The following PPARG variants were observed in gnomAD, a reference collection of about 807,000 sequenced individuals.
The protein encoded by PPARG is peroxisome proliferator-activated receptor gamma.
PPARG carries 17 observed loss-of-function variants against 39.2 expected under a neutral mutation model. The ratio of observed to expected loss-of-function variants is 0.43; its 90% CI spans 0.30 to 0.65. The LOEUF (loss-of-function observed/expected upper bound fraction) is 0.65. Among genes scored for constraint, PPARG ranks in the 30% least tolerant of loss-of-function variants. PPARG has a pLI of 0.13. For synonymous variants in PPARG, 223 were observed against 215.7 expected, an observed-to-expected ratio of 1.03 and a Z score of -0.30; for missense variants, 406 against 585.9, an observed-to-expected ratio of 0.69 and a Z score of 3.17.
rs147763665 is a variant in PPARG, at chr3:12,356,700, A to C, written c.-8-23004A>C. Among the ~76,000 whole-genome samples, 264 of 152,256 alleles carry C rather than the reference A, an allele frequency of 1.7e-3. 1 individual carries two copies. Among genetic ancestry groups the C allele is most frequent in the Non-Finnish European group, 3.1e-3 (210 of 68,010 alleles). The stretch of plus-strand genomic sequence containing the variant: ...CCATAGTGAATGCTGTGAAATCTAG[A>C]CACTTTTTCCCTGGCTTTCAAAGCT... On this transcript the variant is annotated intron_variant, in intron 2 of 7. Coordinates refer to ENST00000651735, the MANE Select transcript of PPARG (RefSeq NM_138711.6).
intron 1 of PPARG, among the ~76,000 whole-genome samples, chr3:12,298,367 C>A: frequency 7.3e-6 from 1 of 137,674 alleles, no homozygotes; most frequent in African/African-American, 2.8e-5. Flanking sequence ...TTCCCAAAAT[C>A]AGTGTGAACA....
At chr3:12,309,510 G>A (rs1018811748) in intron 1 of PPARG, among the ~76,000 whole-genome samples, 1 of 152,076 alleles carries the variant, frequency 6.6e-6, no homozygotes, top group South Asian at 2.1e-4. Flanking sequence ...TTTCTCTGTT[G>A]TCAGGTTTTA....
chr3:12,380,913 G>C (rs1319471947), intron 3 of PPARG, among the ~76,000 whole-genome samples: 5 of 152,076 alleles, frequency 3.3e-5, no homozygotes, highest in Non-Finnish European at 2.9e-5. Context: ...TTTGCAAGTT[G>C]TTTCAAAGTA....
At chr3:12,300,447 T>G (rs2046897949) in intron 1 of PPARG, among the ~76,000 whole-genome samples, 1 of 152,226 alleles carries the variant, frequency 6.6e-6, no homozygotes, top group Non-Finnish European at 1.5e-5. Flanking sequence ...TGCTGTATGA[T>G]CTTTGATCCT....
chr3:12,307,891 G>A (rs1280803146), intron 1 of PPARG, among the ~76,000 whole-genome samples: 2 of 152,172 alleles, frequency 1.3e-5, no homozygotes, highest in East Asian at 3.9e-4. Flanking sequence ...CTCAAGAGAG[G>A]AGTTGTGTTT....
intron 1 of PPARG, among the ~76,000 whole-genome samples, chr3:12,308,364 AAAAAAAG>A (rs1441793275): frequency 1.3e-5 from 2 of 149,678 alleles, no homozygotes; most frequent in Non-Finnish European, 3.0e-5. Flanking sequence ...AAAAAAAAAA[AAAAAAAG>A]GGAGAAACTG....
intron 2 of PPARG, among the ~76,000 whole-genome samples, chr3:12,349,897 C>G (rs1442569065): frequency 1.3e-5 from 2 of 152,072 alleles, no homozygotes; most frequent in Admixed American, 6.6e-5. Flanking sequence ...ACCCACTAGA[C>G]TCAGAAGTTG....
At chr3:12,309,758 T>A (rs1559488118) in intron 1 of PPARG, among the ~76,000 whole-genome samples, 1 of 152,188 alleles carries the variant, frequency 6.6e-6, no homozygotes, top group African/African-American at 2.4e-5. Flanking sequence ...GACAAGTTAG[T>A]CTGAGTAAAC....
chr3:12,295,085 A>C (rs2046745078), intron 1 of PPARG, among the ~76,000 whole-genome samples: 1 of 152,192 alleles, frequency 6.6e-6, no homozygotes, highest in Non-Finnish European at 1.5e-5. Context: ...ATGACTAATC[A>C]CATTGCTTAC....
intron 5 of PPARG, among the ~76,000 whole-genome samples, chr3:12,397,653 G>T (rs2125230033): frequency 6.6e-6 from 1 of 151,898 alleles, no homozygotes. Context: ...CTCATGATCT[G>T]CCCACCTCAG....
At chr3:12,345,961 A>G (rs1295641453) in intron 2 of PPARG, among the ~76,000 whole-genome samples, 1 of 152,236 alleles carries the variant, frequency 6.6e-6, no homozygotes, top group Admixed American at 6.5e-5. Flanking sequence ...AAAATGTGTC[A>G]GTTGATAATA....
intron 4 of PPARG, among the ~76,000 whole-genome samples, chr3:12,386,063 C>T (rs561671245): frequency 2.1e-4 from 32 of 152,204 alleles, no homozygotes; most frequent in Non-Finnish European, 3.4e-4. Context: ...TCTAACACAC[C>T]ACATCACAGA....
chr3:12,367,442 T>C (rs1485109745), intron 2 of PPARG, among the ~76,000 whole-genome samples: 1 of 152,144 alleles, frequency 6.6e-6, no homozygotes, highest in Non-Finnish European at 1.5e-5. Context: ...AAGAAATGTT[T>C]ATATTGGTGA....
intron 5 of PPARG, among the ~76,000 whole-genome samples, chr3:12,394,364 TA>T (rs2050184767): frequency 6.6e-6 from 1 of 152,226 alleles, no homozygotes; most frequent in African/African-American, 2.4e-5. Context: ...AGGCATTGCA[TA>T]CGTTTACTTA....
chr3:12,318,964 C>G (rs567492650), intron 2 of PPARG, among the ~76,000 whole-genome samples: 2 of 152,166 alleles, frequency 1.3e-5, no homozygotes, highest in East Asian at 3.9e-4. Context: ...CTTTTATACT[C>G]CCACTAGACA....
chr3:12,386,805 G>A (rs867742471), intron 4 of PPARG, among the ~76,000 whole-genome samples: 2 of 152,056 alleles, frequency 1.3e-5, no homozygotes, highest in Admixed American at 1.3e-4. Context: ...GTGTCATGTT[G>A]ATTTGCTGAA....
intron 6 of PPARG, among the ~76,000 whole-genome samples, chr3:12,407,289 TAG>T (rs770010187): frequency 8.5e-5 from 13 of 152,230 alleles, no homozygotes; most frequent in African/African-American, 1.9e-4. Context: ...GCCTCCCGAG[TAG>T]CTGGGATTGC....
chr3:12,320,991 G>GA (rs2047526417), intron 2 of PPARG, among the ~76,000 whole-genome samples: 1 of 152,180 alleles, frequency 6.6e-6, no homozygotes, highest in Non-Finnish European at 1.5e-5. Flanking sequence ...TTTTGTTTGG[G>GA]AAAAGCATTA....
chr3:12,384,857 T>C (rs2049815431), intron 4 of PPARG, among the ~76,000 whole-genome samples: 1 of 152,166 alleles, frequency 6.6e-6, no homozygotes. Context: ...TTCTCAGTTG[T>C]AATTTCTAGT....
Sources: gnomAD v4.1 joint callset for allele counts (sites outside exome capture counted in the v4.1 genomes callset) on GRCh38, gnomAD v4.1.1 for gene constraint, MANE v1.5 for transcripts, NCBI Gene and HGNC (gene_info 2026-07-23, HGNC 2026-07-21) for gene names.